PLXNA4: variants seen among roughly 807,000 people sequenced by gnomAD.
PLXNA4 encodes plexin-A4.
PLXNA4 carries 44 observed loss-of-function variants against 191.8 expected under a neutral mutation model. That is an observed-to-expected ratio of 0.23 (90% confidence interval 0.18 to 0.29). The LOEUF (loss-of-function observed/expected upper bound fraction) is 0.29, where lower values mean the gene tolerates loss of function less well. Ranked by LOEUF, PLXNA4 falls within the 10% of genes least tolerant of loss-of-function variation. PLXNA4 has a pLI of 1.00. For missense variants in PLXNA4, 1,800 were observed against 2,488.8 expected (o/e 0.72, Z 5.89); for synonymous variants, 1,082 against 1,009.5 (o/e 1.07, Z -1.36).
intron 2 of PLXNA4, among the ~76,000 whole-genome samples, chr7:132,603,300 C>T (rs992607269): frequency 1.4e-4 from 1 of 7,182 alleles, no homozygotes; most frequent in Non-Finnish European, 7.6e-3. Flanking sequence ...TTAATTCCAC[C>T]CCGGGAAGAG....
chr7:132,350,497 C>T (rs1480614256), intron 3 of PLXNA4, among the ~76,000 whole-genome samples: 1 of 151,996 alleles, frequency 6.6e-6, no homozygotes, highest in East Asian at 1.9e-4. Flanking sequence ...GACTGGGAGT[C>T]TGTCTCAAAA....
rs1355895621 is a variant in PLXNA4 at position 132,317,731 on chromosome 7, G to A, written c.1372-19509C>T. 2.0e-5 allele frequency among the ~76,000 whole-genome samples: 3 copies of A among 152,310 alleles called. No homozygotes were observed. In the East Asian group the frequency reaches 5.8e-4, roughly 29 times the overall value. ...AGCTACCATGAGTTTACCATGACCA[G>A]GTTGTGTGCAACAAGAGCAAAATGG... is the stretch of plus-strand genomic sequence containing the variant. On this transcript the variant is annotated intron_variant, in intron 3 of 31. Coordinates refer to ENST00000321063, the MANE Select transcript of PLXNA4 (RefSeq NM_020911.2).
At chr7:132,155,159 T>C (rs2116611419) in intron 25 of PLXNA4, among the ~76,000 whole-genome samples, 2 of 152,294 alleles carry the variant, frequency 1.3e-5, no homozygotes, top group Middle Eastern at 3.4e-3. Context: ...ATAGAGCATT[T>C]GCATTAAACT....
intron 10 of PLXNA4, among the ~76,000 whole-genome samples, chr7:132,209,578 G>T (rs1375686583): frequency 6.6e-6 from 1 of 152,114 alleles, no homozygotes. Context: ...ATGCCATGGG[G>T]ACAACTTCTG....
chr7:132,323,197 C>T (rs1341221195), intron 3 of PLXNA4, among the ~76,000 whole-genome samples: 3 of 152,188 alleles, frequency 2.0e-5, no homozygotes, highest in Non-Finnish European at 4.4e-5. Flanking sequence ...GGCCTTAAAT[C>T]ACCTGTACAT....
intron 10 of PLXNA4, among the ~76,000 whole-genome samples, chr7:132,207,625 A>G (rs1442570605): frequency 6.6e-6 from 1 of 152,192 alleles, no homozygotes; most frequent in African/African-American, 2.4e-5. Context: ...CCACCACCCC[A>G]ACCCAGTGTC....
chr7:132,270,478 A>T (rs1327583147), intron 4 of PLXNA4, among the ~76,000 whole-genome samples: 1 of 152,244 alleles, frequency 6.6e-6, no homozygotes, highest in African/African-American at 2.4e-5. Context: ...GAGTTCAGAA[A>T]GTAAAGGTTG....
intron 4 of PLXNA4, among the ~76,000 whole-genome samples, chr7:132,241,820 C>T (rs200732336): frequency 7.7e-6 from 1 of 129,130 alleles, no homozygotes; most frequent in African/African-American, 2.9e-5. Context: ...GCTATTTCTC[C>T]TCCTACCCAC....
At chr7:132,647,613 A>G (rs12534234) in intron 1 of PLXNA4, among the ~76,000 whole-genome samples, 57,231 of 151,716 alleles carry the variant, frequency 0.38, 11,844 homozygotes, top group Middle Eastern at 0.48. Context: ...TTATCCACTC[A>G]CAAACACCCA....
At chr7:132,195,642 CATTTTT>C (rs760000967) in intron 13 of PLXNA4, among the ~76,000 whole-genome samples, 16 of 152,278 alleles carry the variant, frequency 1.1e-4, no homozygotes, top group Non-Finnish European at 2.1e-4. Flanking sequence ...GAAAAAATCT[CATTTTT>C]ATTTTTATTT....
At chr7:132,338,187 G>C (rs539880353) in intron 3 of PLXNA4, among the ~76,000 whole-genome samples, 4 of 152,316 alleles carry the variant, frequency 2.6e-5, no homozygotes, top group Admixed American at 6.5e-5. Flanking sequence ...CAGGATGGAA[G>C]GCTATTTTGT....
At position 132,202,773 on chromosome 7, in the gene PLXNA4, T is replaced by A; in HGVS notation, c.2459A>T (p.Asp820Val). Residue 820 changes from aspartate (D) to valine (V), a missense_variant, in exon 12 of 32, where the codon GAC (aspartate) becomes GTC (valine). Asp to Val is a radical substitution (Grantham distance 152). Transcript: ENST00000321063. Reference sequence around the variant, plus strand: ...GCCCTGGCACCAGCCACATGCGAAGTCTGGGTCAGCCTTGAGGCACAGCCC... The same window carrying A: ...GCCCTGGCACCAGCCACATGCGAAGACTGGGTCAGCCTTGAGGCACAGCCC... ...SCGLCLKADP[D>V]FACGWCQGPG... The A allele has an allele frequency of 6.2e-7, 1 of 1,612,020 alleles. No homozygotes were observed. The highest frequency in any genetic ancestry group is 8.5e-7 in the Non-Finnish European group (1 of 1,179,074).
At chr7:132,586,394 C>G (rs1008545490) in intron 2 of PLXNA4, among the ~76,000 whole-genome samples, 7 of 152,144 alleles carry the variant, frequency 4.6e-5, no homozygotes, top group Non-Finnish European at 1.0e-4. Flanking sequence ...TTGGTGTTGT[C>G]TTGAGGTATC....
intron 1 of PLXNA4, among the ~76,000 whole-genome samples, chr7:132,549,022 T>C (rs1800435620): frequency 1.3e-5 from 2 of 152,168 alleles, no homozygotes; most frequent in Admixed American, 6.5e-5. Flanking sequence ...GTCTAAAAAA[T>C]GGAGGAACCC....
chr7:132,562,384 C>T, intron 1 of PLXNA4, among the ~76,000 whole-genome samples: 1 of 132,822 alleles, frequency 7.5e-6, no homozygotes, highest in Non-Finnish European at 1.6e-5. Context: ...CCTCCTTCTC[C>T]TCCTCCTTCT....
At chr7:132,448,422 G>GCTAT in intron 3 of PLXNA4, among the ~76,000 whole-genome samples, 1 of 152,300 alleles carries the variant, frequency 6.6e-6, no homozygotes, top group East Asian at 1.9e-4. Context: ...ATTGGCATCT[G>GCTAT]CTATAAATTA....
intron 1 of PLXNA4, among the ~76,000 whole-genome samples, chr7:132,566,176 TG>T (rs111884033): frequency 1.3e-5 from 2 of 152,114 alleles, no homozygotes; most frequent in Non-Finnish European, 2.9e-5. Context: ...GCACCAAGCA[TG>T]GGGGGGCTCT....
At chr7:132,399,147 G>T (rs1793879511) in intron 3 of PLXNA4, among the ~76,000 whole-genome samples, 1 of 152,110 alleles carries the variant, frequency 6.6e-6, no homozygotes, top group South Asian at 2.1e-4. Flanking sequence ...ACACCCACGG[G>T]CTTCAAGTTT....
At position 132,206,691 on chromosome 7, in the gene PLXNA4, T is replaced by G. The variant is rs374805253; in HGVS notation, c.2299-3272A>C. ...GAGGCTCTCTCTCCTGTGGATGACC[T>G]GCAACGTGCCTGGGGCAGGGTAGGG... is the stretch of plus-strand genomic sequence containing the variant. On this transcript the variant is annotated intron_variant, in intron 10 of 31. Transcript: ENST00000321063. 1.6e-3 allele frequency among the ~76,000 whole-genome samples: 243 copies of G among 152,202 alleles called. 10 individuals carry two copies. The South Asian group carries it at 0.044, about 28-fold the overall frequency.
Sources: allele counts gnomAD v4.1 joint callset (sites outside exome capture counted in the v4.1 genomes callset), GRCh38; gene constraint gnomAD v4.1.1; transcripts MANE v1.5; gene names NCBI Gene and HGNC (gene_info 2026-07-23, HGNC 2026-07-21).